MPZL1: variants seen among roughly 807,000 people sequenced by gnomAD.
MPZL1 encodes the protein myelin protein zero like 1, also known as myelin protein zero-like protein 1.
A neutral mutation model predicts 29.3 loss-of-function variants in MPZL1; 16 were observed. The observed-to-expected ratio is 0.55, with a 90% CI of 0.37 to 0.83. The LOEUF (loss-of-function observed/expected upper bound fraction) is 0.83. Among genes scored for constraint, MPZL1 ranks in the 40% least tolerant of loss-of-function variants. MPZL1 has a pLI of 0.00. For missense variants in MPZL1, 279 were observed against 332.9 expected (o/e 0.84, Z 1.26); for synonymous variants, 143 against 132.0 (o/e 1.08, Z -0.57).
At chr1:167,722,413 C>G (rs567998102) in intron 1 of MPZL1, among the ~76,000 whole-genome samples, 171 bp downstream of exon 1, 11 of 152,350 alleles carry the variant, frequency 7.2e-5, no homozygotes, top group African/African-American at 2.6e-4. Context: ...GAACGCGGGC[C>G]TCCGCGACTG....
rs139371987 is a variant in MPZL1 at position 167,758,865 on chromosome 1, G to T, written c.92-6718G>T. Reference sequence around the variant, plus strand: ...CTCTAGCATAACTCAGCAGGATTCGGTACTCCTTATAGAACCGTTCCCCAG... The same window carrying T: ...CTCTAGCATAACTCAGCAGGATTCGTTACTCCTTATAGAACCGTTCCCCAG... On this transcript the variant is annotated intron_variant, in intron 1 of 5. Coordinates refer to ENST00000359523, the MANE Select transcript of MPZL1 (RefSeq NM_003953.6). Among the ~76,000 whole-genome samples the T allele has an allele frequency of 3.9e-4, 59 of 152,224 alleles. 1 individual carries two copies. The East Asian group carries it at 0.011, about 28-fold the overall frequency.
intron 1 of MPZL1, among the ~76,000 whole-genome samples, chr1:167,738,652 CAGTG>C (rs935589647): frequency 2.0e-5 from 3 of 152,104 alleles, no homozygotes; most frequent in African/African-American, 2.4e-5. Flanking sequence ...GTTCTCTTGA[CAGTG>C]AGTGAGTGAG....
At chr1:167,727,395 A>G (rs774651361) in intron 1 of MPZL1, among the ~76,000 whole-genome samples, 2 of 152,222 alleles carry the variant, frequency 1.3e-5, no homozygotes, top group African/African-American at 4.8e-5. Flanking sequence ...TAAGACATAC[A>G]TCTCATGTGT....
intron 5 of MPZL1, among the ~76,000 whole-genome samples, chr1:167,778,622 T>A (rs1054922655): frequency 7.9e-5 from 12 of 151,290 alleles, no homozygotes; most frequent in African/African-American, 2.9e-4. Flanking sequence ...TCAGGAGAAA[T>A]CAATCAGAAA....
intron 1 of MPZL1, among the ~76,000 whole-genome samples, chr1:167,752,036 T>C (rs1660770343): frequency 6.6e-6 from 1 of 152,242 alleles, no homozygotes; most frequent in Non-Finnish European, 1.5e-5. Flanking sequence ...GCCCACTTCC[T>C]ACAGGATCAA....
At chr1:167,734,157 G>A (rs1325782906) in intron 1 of MPZL1, among the ~76,000 whole-genome samples, 1 of 151,828 alleles carries the variant, frequency 6.6e-6, no homozygotes, top group Non-Finnish European at 1.5e-5. Context: ...TCGGGAGGCT[G>A]AGGCAGGAGA....
At chr1:167,776,035 A>T in intron 4 of MPZL1, 29 bp from the exon 5 acceptor site, 1 of 1,439,384 alleles carries the variant, frequency 6.9e-7, no homozygotes, top group Non-Finnish European at 9.5e-7. Flanking sequence ...TATTTTTTAC[A>T]TTTGTTCTTC....
In MPZL1 at chr1:167,789,583, A is replaced by C. The variant is rs1260210531; in HGVS notation, c.*1662A>C. 1 of 152,252 alleles carries C rather than the reference A, an allele frequency of 6.6e-6. No individual in the cohort carries two copies. The highest frequency in any genetic ancestry group is 2.4e-5 in the African/African-American group (1 of 41,464). 9.4% of individuals were successfully genotyped at this position (152,252 alleles called of 1,614,324 possible). On this transcript the variant is annotated 3_prime_UTR_variant, in exon 6 of 6. Coordinates refer to ENST00000359523, the MANE Select transcript of MPZL1 (RefSeq NM_003953.6). ...TAAAGGGCATATGAGCTTCAAAACT[A>C]ATGCTGTTGCATACATGAAGCCTTT...
intron 1 of MPZL1, among the ~76,000 whole-genome samples, chr1:167,748,606 A>T (rs1660695767): frequency 6.6e-6 from 1 of 152,088 alleles, no homozygotes; most frequent in African/African-American, 2.4e-5. Context: ...TTAAAGCAAA[A>T]AATTTTAAAT....
chr1:167,734,595 T>A (rs1265030441), intron 1 of MPZL1, among the ~76,000 whole-genome samples: 1 of 152,168 alleles, frequency 6.6e-6, no homozygotes, highest in African/African-American at 2.4e-5. Context: ...AATCAAATAG[T>A]TTTTTTAGAG....
chr1:167,776,983 C>G (rs1267841316), intron 5 of MPZL1, among the ~76,000 whole-genome samples: 4 of 152,122 alleles, frequency 2.6e-5, no homozygotes, highest in African/African-American at 7.2e-5. Flanking sequence ...GGTGAGGAAA[C>G]TAAGGCATTG....
chr1:167,771,546 C>T (rs2101788634), intron 2 of MPZL1, among the ~76,000 whole-genome samples: 1 of 152,304 alleles, frequency 6.6e-6, no homozygotes, highest in Middle Eastern at 3.4e-3. Context: ...AAGGCTGTCA[C>T]TTCACACTTG....
intron 1 of MPZL1, among the ~76,000 whole-genome samples, chr1:167,740,365 C>A (rs1558111121): frequency 1.3e-5 from 2 of 152,190 alleles, no homozygotes; most frequent in Non-Finnish European, 1.5e-5. Context: ...CTCTGCCACT[C>A]CATTGAAACT....
chr1:167,747,760 A>G (rs987183978), intron 1 of MPZL1, among the ~76,000 whole-genome samples: 2 of 152,072 alleles, frequency 1.3e-5, no homozygotes, highest in African/African-American at 4.8e-5. Context: ...TTTTACTGTG[A>G]TATAATTCAC....
intron 5 of MPZL1, among the ~76,000 whole-genome samples, chr1:167,776,999 T>G (rs1335953440): frequency 1.3e-5 from 2 of 152,218 alleles, no homozygotes; most frequent in East Asian, 3.8e-4. Context: ...CATTGTGATG[T>G]TAAATTACTA....
chr1:167,745,745 C>A (rs1294172741), intron 1 of MPZL1, among the ~76,000 whole-genome samples: 2 of 151,914 alleles, frequency 1.3e-5, no homozygotes, highest in Non-Finnish European at 2.9e-5. Context: ...ATAGAAGAAC[C>A]AAATTTGGGT....
intron 1 of MPZL1, among the ~76,000 whole-genome samples, chr1:167,745,636 G>A (rs1660630657): frequency 6.6e-6 from 1 of 151,980 alleles, no homozygotes; most frequent in Admixed American, 6.6e-5. Context: ...TATTAAACAT[G>A]TTTTTAATAA....
chr1:167,722,468 GAGTGC>G (rs1660053835), intron 1 of MPZL1, among the ~76,000 whole-genome samples: 1 of 152,220 alleles, frequency 6.6e-6, no homozygotes, highest in African/African-American at 2.4e-5. Flanking sequence ...CTGGATCCTG[GAGTGC>G]GGAGGAGGAG....
At chr1:167,743,422 G>A (rs1660576502) in intron 1 of MPZL1, among the ~76,000 whole-genome samples, 1 of 151,882 alleles carries the variant, frequency 6.6e-6, no homozygotes, top group Non-Finnish European at 1.5e-5. Flanking sequence ...TAGCCAGGCT[G>A]GTCTCGATCT....
Sources: allele counts gnomAD v4.1 joint callset (sites outside exome capture counted in the v4.1 genomes callset), GRCh38; gene constraint gnomAD v4.1.1; transcripts MANE v1.5; gene names NCBI Gene and HGNC (gene_info 2026-07-23, HGNC 2026-07-21).